The following PLK4 variants were observed in gnomAD, a reference collection of about 807,000 sequenced individuals.
PLK4 encodes the protein polo like kinase 4.
PLK4 carries 51 observed loss-of-function variants against 103.0 expected under a neutral mutation model. That is an observed-to-expected ratio of 0.50 (90% CI 0.40 to 0.63). The LOEUF (loss-of-function observed/expected upper bound fraction) is 0.63, where lower values mean the gene tolerates loss of function less well. PLK4 is among the 20% of genes least tolerant of loss of function. PLK4 has a pLI of 0.00. For missense variants in PLK4, 1,054 were observed against 1,151.0 expected, an observed-to-expected ratio of 0.92 and a Z score of 1.22; for synonymous variants, 389 against 376.8, an observed-to-expected ratio of 1.03 and a Z score of -0.38.
Position 127,890,209 on chromosome 4 carries a change from A to C in PLK4, c.1803A>C (p.Pro601=). The C allele has an allele frequency of 6.2e-7, 1 of 1,603,594 alleles. No homozygotes were observed. The highest frequency in any genetic ancestry group is 8.5e-7 in the Non-Finnish European group (1 of 1,174,656). The change falls in exon 7 of 16, where the codon CCA becomes CCC. Residue 601 remains proline, a synonymous_variant. Coordinates refer to ENST00000270861, the MANE Select transcript of PLK4 (RefSeq NM_014264.5). The stretch of plus-strand genomic sequence containing the variant: ...CGTTGGTTGCTCACAGGTTAAAACC[A>C]ATCAGACAGAAAACCAAAAAGGCTG... ...TSPLVAHRLK[P]IRQKTKKAVV... is the part of the protein sequence containing the mutation.
chr4:127,892,583 T>G, intron 10 of PLK4, 69 bp downstream of exon 10: 1 of 1,267,794 alleles, frequency 7.9e-7, no homozygotes, highest in Admixed American at 2.0e-5. Flanking sequence ...ATATGTGGGT[T>G]TTTAAAATTC....
At chr4:127,885,232 C>T (rs1051182127) in intron 4 of PLK4, among the ~76,000 whole-genome samples, 7 of 151,976 alleles carry the variant, frequency 4.6e-5, no homozygotes, top group African/African-American at 1.7e-4. Context: ...GAAATCCCAG[C>T]CCTTTAGGAG....
Position 127,881,023 on chromosome 4 carries a change from T to G in PLK4, c.-112T>G. 7.9e-7 allele frequency: 1 copy of G among 1,258,316 alleles called. No homozygotes were observed. Among genetic ancestry groups the G allele is most frequent in the Non-Finnish European group, 1.1e-6 (1 of 872,428 alleles). The allele number at this position is 1,258,316 out of a possible 1,614,324, so 77.9% of individuals were successfully genotyped here. Reference sequence around the variant, plus strand: ...CAGCGTCGTCGCCTGGAGCGGCGGTTTAGAGAGCCGAGCCTGATGGGCGCC... The same window carrying G: ...CAGCGTCGTCGCCTGGAGCGGCGGTGTAGAGAGCCGAGCCTGATGGGCGCC... On this transcript the variant is annotated 5_prime_UTR_variant, in exon 1 of 16. Transcript: ENST00000270861.
chr4:127,886,670 A>G lies in PLK4; in HGVS notation c.1300A>G (p.Lys434Glu). Residue 434 changes from lysine (K) to glutamate (E), a missense_variant, in exon 5 of 16, where the codon AAA becomes GAA. This residue lies in a region of PLK4 where 680 missense variants were observed against 660.3 expected (regional missense o/e 1.03). Coordinates refer to ENST00000270861, the MANE Select transcript of PLK4 (RefSeq NM_014264.5). ...DNNANIFNFFKEKTSSSSGSF... is the reference protein window; with the variant it reads ...DNNANIFNFFEEKTSSSSGSF... ...CAATGCCAACATTTTTAACTTCTTT[A>G]AAGAAAAGACATCCAGTAGTTCTGG... is the stretch of plus-strand genomic sequence containing the variant. 1 of 1,613,134 alleles carries G rather than the reference A, an allele frequency of 6.2e-7. No homozygotes were observed. The highest frequency in any genetic ancestry group is 8.5e-7 in the Non-Finnish European group (1 of 1,179,376).
intron 6 of PLK4, among the ~76,000 whole-genome samples, chr4:127,888,697 CATGACAG>C (rs1182430019): frequency 6.6e-6 from 1 of 151,942 alleles, no homozygotes; most frequent in African/African-American, 2.4e-5. Flanking sequence ...CATTAATGAA[CATGACAG>C]ATTCACAGAA....
At chr4:127,894,831 T>C in intron 13 of PLK4, 122 bp from the exon 14 acceptor site, 1 of 604,338 alleles carries the variant, frequency 1.7e-6, no homozygotes. Flanking sequence ...ATATTTTCGT[T>C]AAAAAATGTT....
At chr4:127,897,448 C>T (rs780855605) in intron 15 of PLK4, among the ~76,000 whole-genome samples, 2 of 152,196 alleles carry the variant, frequency 1.3e-5, no homozygotes, top group African/African-American at 2.4e-5. Flanking sequence ...TTGCTTTCCT[C>T]ATTTAAATCA....
rs886471719 is a variant in PLK4 at position 127,887,671 on chromosome 4, G to A, written c.1459+175G>A. 5.3e-5 allele frequency among the ~76,000 whole-genome samples: 8 copies of A among 151,804 alleles called. No homozygotes were observed. The East Asian group carries it at 1.5e-3, about 29-fold the overall frequency. ...ACTGGTGGATTGCTTGAGGGCAGGA[G>A]TTCAAGACCAGTTTGGGCACATAGC... On this transcript the variant is annotated intron_variant, in intron 6 of 15. Coordinates refer to ENST00000270861, the MANE Select transcript of PLK4 (RefSeq NM_014264.5).
At chr4:127,893,702 C>T in intron 12 of PLK4, 32 bp from the exon 13 acceptor site, 7 of 1,597,838 alleles carry the variant, frequency 4.4e-6, no homozygotes, top group Non-Finnish European at 5.1e-6. Context: ...TTGAAAGCTT[C>T]AAGGGAATAT....
intron 5 of PLK4, 142 bp downstream of exon 5, chr4:127,886,870 A>G: frequency 3.5e-6 from 2 of 578,308 alleles, no homozygotes; most frequent in Non-Finnish European, 6.0e-6. Flanking sequence ...ACCTGTGGTT[A>G]ACAGTCTTAA....
chr4:127,896,395 G>A (rs1424188036), intron 14 of PLK4, among the ~76,000 whole-genome samples: 1 of 152,052 alleles, frequency 6.6e-6, no homozygotes, highest in Non-Finnish European at 1.5e-5. Context: ...AAATTCTTGT[G>A]GCTTAAGGAC....
chr4:127,894,260 G>T (rs937095937), intron 13 of PLK4, among the ~76,000 whole-genome samples: 2 of 151,442 alleles, frequency 1.3e-5, no homozygotes, highest in Admixed American at 1.3e-4. Flanking sequence ...TTTTTGAGAC[G>T]GAGTCACCCA....
chr4:127,886,304 C>T lies in PLK4; in HGVS notation c.934C>T (p.Leu312Phe). ...ISGSLFDKRR[L>F]LIGQPLPNKM... ...TGGTAGTTTATTTGACAAAAGAAGA[C>T]TTTTGATTGGTCAGCCACTCCCAAA... Residue 312 changes from leucine to phenylalanine, a missense_variant, in exon 5 of 16, where the codon CTT becomes TTT. Transcript: ENST00000270861. 1 of 1,613,968 alleles carries T rather than the reference C, an allele frequency of 6.2e-7. No homozygotes were observed. The highest frequency in any genetic ancestry group is 8.5e-7 in the Non-Finnish European group (1 of 1,179,944).
intron 10 of PLK4, 49 bp downstream of exon 10, chr4:127,892,563 G>A (rs914567428): frequency 1.4e-6 from 2 of 1,451,926 alleles, no homozygotes; most frequent in African/African-American, 2.8e-5. Context: ...TTGTAATTTA[G>A]TAGTTACGTA....
At chr4:127,883,215 C>T in intron 2 of PLK4, 47 bp from the exon 3 acceptor site, 2 of 928,718 alleles carry the variant, frequency 2.2e-6, no homozygotes, top group South Asian at 2.9e-5. Flanking sequence ...CACTTTTAAG[C>T]AGTTTATATT....
rs80227164 is a variant in PLK4 at position 127,889,800 on chromosome 4, C to A, written c.1460-66C>A. On this transcript the variant is annotated intron_variant, in intron 6 of 15. Transcript: ENST00000270861. ...AAAAATGCTATTACAATCAGAGTGA[C>A]GTTATTTTGTGTCGACTTGTGTTTT... 1.1e-3 allele frequency: 1,322 copies of A among 1,154,650 alleles called. 13 individuals are homozygous for A. The African/African-American group carries it at 0.019, about 17-fold the overall frequency. 71.5% of individuals were successfully genotyped at this position (1,154,650 alleles called of 1,614,324 possible).
chr4:127,881,812 T>C lies in PLK4; in HGVS notation c.31-19T>C. 1 of 1,424,622 alleles carries C rather than the reference T, an allele frequency of 7.0e-7. No individual in the cohort carries two copies. The highest frequency in any genetic ancestry group is 9.9e-7 in the Non-Finnish European group (1 of 1,007,334). The allele number at this position is 1,424,622 out of a possible 1,614,324, so 88.2% of individuals were successfully genotyped here. On this transcript the variant is annotated intron_variant, in intron 1 of 15. Coordinates refer to ENST00000270861, the MANE Select transcript of PLK4 (RefSeq NM_014264.5). ...CTACTGTGAGTCATCACACATAATC[T>C]TTAATTTTAACTTTTAAGGATTTTA... is the stretch of plus-strand genomic sequence containing the variant.
In PLK4 at chr4:127,893,725, C is replaced by T. The variant is rs772463365; in HGVS notation, c.2415-9C>T. ...TTCAAGGGAATATATTTGGACTTTTCCCCTTCAGAAAACCTGGTAGTACTA... is the reference window on the plus strand; with the variant it reads ...TTCAAGGGAATATATTTGGACTTTTTCCCTTCAGAAAACCTGGTAGTACTA... On this transcript the variant is annotated splice_polypyrimidine_tract_variant and intron_variant, in intron 12 of 15. Coordinates refer to ENST00000270861, the MANE Select transcript of PLK4 (RefSeq NM_014264.5). The T allele has an allele frequency of 6.2e-7, 1 of 1,604,284 alleles. No homozygotes were observed. Among genetic ancestry groups the T allele is most frequent in the Non-Finnish European group, 8.5e-7 (1 of 1,173,996 alleles).
intron 14 of PLK4, among the ~76,000 whole-genome samples, chr4:127,895,960 A>G (rs1371221899): frequency 6.6e-6 from 1 of 152,164 alleles, no homozygotes; most frequent in African/African-American, 2.4e-5. Context: ...TTGTGAACCT[A>G]TATGTGTATA....
Sources: gnomAD v4.1 joint callset for allele counts (sites outside exome capture counted in the v4.1 genomes callset) on GRCh38, gnomAD v4.1.1 for gene constraint, gnomAD v4.1.1 regional missense constraint, MANE v1.5 for transcripts, NCBI Gene and HGNC (gene_info 2026-07-23, HGNC 2026-07-21) for gene names.